ZEB1: variants seen among roughly 807,000 people sequenced by gnomAD.
ZEB1 encodes the protein zinc finger E-box binding homeobox 1, also known as zinc finger E-box-binding homeobox 1.
A neutral mutation model predicts 84.9 loss-of-function variants in ZEB1; 21 were observed. That is an observed-to-expected ratio of 0.25 (90% CI 0.18 to 0.36). ZEB1 has a LOEUF of 0.36. Among genes scored for constraint, ZEB1 ranks in the 10% least tolerant of loss-of-function variants. The pLI, the probability that ZEB1 is intolerant of heterozygous loss-of-function variation, is 1.00. For missense variants in ZEB1, 1,104 were observed against 1,330.2 expected, an observed-to-expected ratio of 0.83 and a Z score of 2.65; for synonymous variants, 420 against 471.1, an observed-to-expected ratio of 0.89 and a Z score of 1.41.
At chr10:31,331,661 T>C (rs1233227437) in intron 1 of ZEB1, among the ~76,000 whole-genome samples, 3 of 152,152 alleles carry the variant, frequency 2.0e-5, no homozygotes, top group Non-Finnish European at 4.4e-5. Context: ...GGATGGTGCT[T>C]AAACCAAGTC....
intron 1 of ZEB1, among the ~76,000 whole-genome samples, 178 bp from the exon 2 acceptor site, chr10:31,460,859 G>C (rs1263935975): frequency 2.6e-5 from 4 of 151,936 alleles, no homozygotes; most frequent in African/African-American, 9.7e-5. Flanking sequence ...TTGTCATTTT[G>C]GTCATGTAAT....
At chr10:31,319,006 T>A, upstream of ZEB1, 1 of 537,900 alleles carries the variant, frequency 1.9e-6, no homozygotes, top group Non-Finnish European at 3.5e-6. Flanking sequence ...CGCCCCTCAA[T>A]TCAAATTCAG....
chr10:31,516,989 A>G (rs1179057451), intron 6 of ZEB1, among the ~76,000 whole-genome samples: 1 of 152,118 alleles, frequency 6.6e-6, no homozygotes, highest in Admixed American at 6.6e-5. Flanking sequence ...TTTAGCATTT[A>G]TTATACCAAG....
intron 1 of ZEB1, chr10:31,387,584 G>C (rs754729645): frequency 3.0e-6 from 1 of 328,592 alleles, no homozygotes; most frequent in Non-Finnish European, 4.4e-6. Context: ...TGTATGTCTT[G>C]AGATATGGAT....
chr10:31,496,165 C>A (rs1311725025), intron 3 of ZEB1, among the ~76,000 whole-genome samples: 1 of 151,948 alleles, frequency 6.6e-6, no homozygotes, highest in Non-Finnish European at 1.5e-5. Context: ...TAGAGAAATG[C>A]AGATCTAACT....
intron 2 of ZEB1, among the ~76,000 whole-genome samples, chr10:31,475,972 A>T (rs2064105611): frequency 6.6e-6 from 1 of 152,092 alleles, no homozygotes; most frequent in African/African-American, 2.4e-5. Flanking sequence ...TAAATATTCC[A>T]TTTAAAAAAT....
chr10:31,361,248 A>G, intron 1 of ZEB1: 1 of 1,599,488 alleles, frequency 6.3e-7, no homozygotes, highest in Non-Finnish European at 8.5e-7. Context: ...GCTGGAGTGC[A>G]GTGGTGCGAT....
intron 1 of ZEB1, among the ~76,000 whole-genome samples, chr10:31,329,026 A>G (rs2036199090): frequency 1.3e-5 from 2 of 151,972 alleles, no homozygotes; most frequent in Admixed American, 6.6e-5. Context: ...TGTGAACTTA[A>G]TTGAGGTATA....
intron 1 of ZEB1, chr10:31,363,134 C>G (rs770162311): frequency 6.5e-7 from 1 of 1,533,968 alleles, no homozygotes; most frequent in South Asian, 1.2e-5. Flanking sequence ...GATCCAAGAG[C>G]TGCAGGATCC....
chr10:31,506,527 G>T (rs972757837), intron 4 of ZEB1, among the ~76,000 whole-genome samples: 1 of 151,592 alleles, frequency 6.6e-6, no homozygotes, highest in Non-Finnish European at 1.5e-5. Context: ...GACCTTCTTT[G>T]TCCCCTTATA....
intron 8 of ZEB1, among the ~76,000 whole-genome samples, 159 bp downstream of exon 8, chr10:31,524,272 A>G (rs1205722438): frequency 1.3e-5 from 2 of 151,060 alleles, no homozygotes; most frequent in Non-Finnish European, 2.9e-5. Context: ...GTGCAGTGGC[A>G]CGCAATCTCA....
intron 1 of ZEB1, among the ~76,000 whole-genome samples, chr10:31,359,384 G>A (rs1241197309): frequency 6.6e-6 from 1 of 151,880 alleles, no homozygotes; most frequent in Admixed American, 6.6e-5. Context: ...GAAAGAGAGG[G>A]AAAGAAGAAA....
intron 4 of ZEB1, among the ~76,000 whole-genome samples, chr10:31,505,132 A>C (rs1216905238): frequency 2.0e-5 from 3 of 152,126 alleles, no homozygotes; most frequent in Non-Finnish European, 4.4e-5. Flanking sequence ...CCCTGGGATA[A>C]ATCCCACTTG....
intron 1 of ZEB1, among the ~76,000 whole-genome samples, chr10:31,441,903 A>T (rs989179857): frequency 1.3e-5 from 2 of 152,342 alleles, no homozygotes; most frequent in Middle Eastern, 3.4e-3. Context: ...AAAAGTCAGG[A>T]AACAACAGGT....
At chr10:31,397,833 G>A (rs897222813) in intron 1 of ZEB1, among the ~76,000 whole-genome samples, 6 of 152,022 alleles carry the variant, frequency 3.9e-5, no homozygotes, top group South Asian at 2.1e-4. Context: ...ATGCCAATCC[G>A]TGGTTTAAAG....
intron 1 of ZEB1, among the ~76,000 whole-genome samples, chr10:31,386,415 A>G (rs993520574): frequency 6.6e-6 from 1 of 152,052 alleles, no homozygotes; most frequent in East Asian, 1.9e-4. Flanking sequence ...ACTCCTCAGA[A>G]CATTTGTAGG....
chr10:31,486,193 T>C (rs2065738281), intron 2 of ZEB1, among the ~76,000 whole-genome samples: 1 of 151,788 alleles, frequency 6.6e-6, no homozygotes. Context: ...CTGTAAACAT[T>C]AGTATACAGG....
chr10:31,426,754 T>G (rs1048606076), intron 1 of ZEB1, among the ~76,000 whole-genome samples: 2 of 152,158 alleles, frequency 1.3e-5, no homozygotes, highest in Admixed American at 1.3e-4. Flanking sequence ...ACACCTCTCA[T>G]AGGTGAGCCT....
At chr10:31,504,886 T>A (rs1429966660) in intron 4 of ZEB1, among the ~76,000 whole-genome samples, 1 of 152,138 alleles carries the variant, frequency 6.6e-6, no homozygotes, top group Admixed American at 6.5e-5. Context: ...GATCATATAG[T>A]CTGCAAAGAG....
Sources: allele counts gnomAD v4.1 joint callset (sites outside exome capture counted in the v4.1 genomes callset), GRCh38; gene constraint gnomAD v4.1.1; transcripts MANE v1.5; gene names NCBI Gene and HGNC (gene_info 2026-07-23, HGNC 2026-07-21).